Variants in SDK1 observed in about 807,000 individuals in gnomAD.
The protein encoded by SDK1 is protein sidekick-1.
A neutral mutation model predicts 245.5 loss-of-function variants in SDK1; 157 were observed. The observed-to-expected ratio is 0.64, with a 90% CI of 0.56 to 0.73. SDK1 has a LOEUF of 0.73. Ranked by LOEUF, SDK1 falls within the 30% of genes least tolerant of loss-of-function variation. The pLI, the probability that SDK1 is intolerant of heterozygous loss-of-function variation, is 0.00. For synonymous variants in SDK1, 1,647 were observed against 1,278.5 expected (o/e 1.29, Z -6.15); for missense variants, 3,583 against 3,002.3 (o/e 1.19, Z -4.52).
At chr7:3,921,679 C>T (rs1779590761) in intron 5 of SDK1, among the ~76,000 whole-genome samples, 1 of 152,072 alleles carries the variant, frequency 6.6e-6, no homozygotes, top group South Asian at 2.1e-4. Context: ...AATTAAAACT[C>T]CCCGGGCCAG....
intron 5 of SDK1, among the ~76,000 whole-genome samples, chr7:3,909,686 C>T (rs554038872): frequency 1.3e-4 from 20 of 152,298 alleles, no homozygotes; most frequent in South Asian, 2.1e-4. Flanking sequence ...CACAAATACA[C>T]GGCTTTAAAG....
intron 1 of SDK1, among the ~76,000 whole-genome samples, chr7:3,618,190 A>C (rs1399097153): frequency 6.6e-6 from 1 of 152,190 alleles, no homozygotes; most frequent in Non-Finnish European, 1.5e-5. Flanking sequence ...AAACATTGAC[A>C]AATCATATCT....
In SDK1 at chr7:3,705,635, C is replaced by T. The variant is rs531623353; in HGVS notation, c.713+63530C>T. Among the ~76,000 whole-genome samples the T allele has an allele frequency of 6.6e-5, 10 of 152,042 alleles. No homozygotes were observed. The East Asian group carries it at 1.4e-3, about 21-fold the overall frequency. On this transcript the variant is annotated intron_variant, in intron 4 of 44. Coordinates refer to ENST00000404826, the MANE Select transcript of SDK1 (RefSeq NM_152744.4). The stretch of plus-strand genomic sequence containing the variant: ...CTGAAACTTTACTAAATTCATTTAT[C>T]GAATCAAGTAGTCCTTTAGAGGAGT...
intron 4 of SDK1, among the ~76,000 whole-genome samples, chr7:3,665,567 G>A (rs977114553): frequency 5.3e-5 from 8 of 152,152 alleles, no homozygotes; most frequent in African/African-American, 1.7e-4. Context: ...TTTGTCTTGT[G>A]CCTGACTAGT....
chr7:3,396,458 G>C (rs1347727223), intron 1 of SDK1, among the ~76,000 whole-genome samples: 1 of 151,444 alleles, frequency 6.6e-6, no homozygotes, highest in Non-Finnish European at 1.5e-5. Context: ...CTGTCTACTT[G>C]TTCTATTCAT....
intron 28 of SDK1, among the ~76,000 whole-genome samples, chr7:4,136,292 G>A (rs534682589): frequency 1.3e-5 from 2 of 152,312 alleles, no homozygotes; most frequent in East Asian, 1.9e-4. Flanking sequence ...GAGGCTGCAG[G>A]AAGACAGGAA....
chr7:3,424,045 C>T (rs4722775), intron 1 of SDK1, among the ~76,000 whole-genome samples: 1 of 151,708 alleles, frequency 6.6e-6, no homozygotes, highest in Non-Finnish European at 1.5e-5. Context: ...CCAAATAGTT[C>T]GGACTACAGG....
intron 1 of SDK1, among the ~76,000 whole-genome samples, chr7:3,444,593 CTGT>C (rs1480768456): frequency 2.6e-5 from 4 of 152,176 alleles, no homozygotes; most frequent in Non-Finnish European, 4.4e-5. Flanking sequence ...ACACACTCTT[CTGT>C]TGTTCGTTAG....
intron 4 of SDK1, among the ~76,000 whole-genome samples, chr7:3,671,358 T>G (rs909104099): frequency 2.6e-5 from 4 of 152,202 alleles, no homozygotes; most frequent in South Asian, 2.1e-4. Context: ...TTTAAACCAA[T>G]TTTTAAATAT....
rs558856944 is a variant in SDK1, at chr7:4,122,978, G to A, written c.3824-4403G>A. ...CTGCCTCACCTCCCTATCTCCACGT[G>A]AGAAGTTCAGCTGCGTTCAAAGCCC... On this transcript the variant is annotated intron_variant, in intron 25 of 44. Coordinates refer to ENST00000404826, the MANE Select transcript of SDK1 (RefSeq NM_152744.4). Among the ~76,000 whole-genome samples the A allele has an allele frequency of 2.6e-5, 4 of 152,328 alleles. No individual in the cohort carries two copies. The East Asian group carries it at 7.7e-4, about 29-fold the overall frequency.
chr7:3,861,013 C>A (rs1328520556), intron 5 of SDK1, among the ~76,000 whole-genome samples: 1 of 152,138 alleles, frequency 6.6e-6, no homozygotes, highest in African/African-American at 2.4e-5. Flanking sequence ...CTCAAGTAAA[C>A]TGTCTATATT....
intron 1 of SDK1, among the ~76,000 whole-genome samples, chr7:3,421,466 C>A (rs1779533276): frequency 6.6e-6 from 1 of 152,100 alleles, no homozygotes; most frequent in South Asian, 2.1e-4. Flanking sequence ...TTTAAAACTG[C>A]ATTTTTATAA....
rs185600980 is a variant in SDK1 at position 3,731,853 on chromosome 7, G to A, written c.714-89597G>A. Among the ~76,000 whole-genome samples the A allele has an allele frequency of 1.1e-3, 164 of 152,230 alleles. 1 individual carries two copies. Among genetic ancestry groups the A allele is most frequent in the African/African-American group, 3.8e-3 (156 of 41,546 alleles). On this transcript the variant is annotated intron_variant, in intron 4 of 44. Transcript: ENST00000404826. ...TGTCACCAGGCTGGAGTGCAGTGGC[G>A]TGATGTTGGCTCACTGCAACCTCCA...
chr7:4,077,323 C>G (rs1385135270), intron 21 of SDK1, 134 bp downstream of exon 21: 4 of 824,700 alleles, frequency 4.9e-6, no homozygotes, highest in Non-Finnish European at 7.7e-6. Flanking sequence ...TGCCAAGATG[C>G]TGGAGGGTAA....
At chr7:4,080,257 G>C (rs1780969994) in intron 22 of SDK1, among the ~76,000 whole-genome samples, 1 of 152,052 alleles carries the variant, frequency 6.6e-6, no homozygotes. Flanking sequence ...CTTCCGGTCC[G>C]ACTCCAGCTG....
chr7:3,646,427 C>T (rs761622203), intron 4 of SDK1, among the ~76,000 whole-genome samples: 8 of 151,936 alleles, frequency 5.3e-5, no homozygotes, highest in Non-Finnish European at 2.9e-5. Flanking sequence ...TTATTGAGTA[C>T]CTACTTTAAA....
chr7:3,478,338 C>T (rs926708077), intron 1 of SDK1, among the ~76,000 whole-genome samples: 2 of 151,656 alleles, frequency 1.3e-5, no homozygotes, highest in Non-Finnish European at 2.9e-5. Flanking sequence ...TCACTCCATC[C>T]CTTTTAATGT....
chr7:4,137,500 T>C (rs1304053762), intron 28 of SDK1, among the ~76,000 whole-genome samples: 1 of 152,168 alleles, frequency 6.6e-6, no homozygotes, highest in Non-Finnish European at 1.5e-5. Flanking sequence ...GCGCAGTCCC[T>C]TTCTGGATTC....
intron 4 of SDK1, among the ~76,000 whole-genome samples, chr7:3,656,611 CA>C (rs1363161621): frequency 6.6e-6 from 1 of 152,128 alleles, no homozygotes; most frequent in African/African-American, 2.4e-5. Context: ...CTGCAGGATA[CA>C]TCTCACCTGT....
Sources: gnomAD v4.1 joint callset for allele counts (sites outside exome capture counted in the v4.1 genomes callset) on GRCh38, gnomAD v4.1.1 for gene constraint, MANE v1.5 for transcripts, NCBI Gene and HGNC (gene_info 2026-07-23, HGNC 2026-07-21) for gene names.